Variants in CFAP52 observed in about 807,000 individuals in gnomAD.
CFAP52 encodes the protein cilia- and flagella-associated protein 52.
A neutral mutation model predicts 70.5 loss-of-function variants in CFAP52; 57 were observed. The ratio of observed to expected loss-of-function variants is 0.81; its 90% CI spans 0.65 to 1.01. CFAP52 has a LOEUF of 1.01. CFAP52 is among the 50% of genes least tolerant of loss of function. CFAP52 has a pLI of 0.00. For missense variants in CFAP52, 785 were observed against 788.5 expected, an observed-to-expected ratio of 1.00 and a Z score of 0.05; for synonymous variants, 267 against 292.5, an observed-to-expected ratio of 0.91 and a Z score of 0.89.
At chr17:9,603,500 C>T (rs11653477) in intron 6 of CFAP52, among the ~76,000 whole-genome samples, 1,627 of 152,324 alleles carry the variant, frequency 0.011, 7 homozygotes, top group Non-Finnish European at 0.016. Flanking sequence ...TGAGCCACCA[C>T]ACCCGGCCCT....
At chr17:9,640,314 G>C (rs778264244) in intron 12 of CFAP52, among the ~76,000 whole-genome samples, 3 of 151,336 alleles carry the variant, frequency 2.0e-5, no homozygotes, top group Non-Finnish European at 4.4e-5. Flanking sequence ...TGCCGTGGTG[G>C]TTTGCTGTAC....
chr17:9,593,310 C>T (rs1308260520), intron 3 of CFAP52, among the ~76,000 whole-genome samples: 2 of 152,170 alleles, frequency 1.3e-5, no homozygotes, highest in African/African-American at 4.8e-5. Flanking sequence ...CTGCAATTCT[C>T]ACAATGTGGT....
chr17:9,631,106 G>A (rs567710906), intron 9 of CFAP52, among the ~76,000 whole-genome samples: 6 of 146,580 alleles, frequency 4.1e-5, no homozygotes, highest in African/African-American at 1.1e-4. Flanking sequence ...GAGAAAGAAA[G>A]AACATAAGTC....
chr17:9,593,226 T>G (rs1567622862), intron 3 of CFAP52, among the ~76,000 whole-genome samples: 1 of 152,112 alleles, frequency 6.6e-6, no homozygotes, highest in Admixed American at 6.6e-5. Flanking sequence ...TTTTTTGTAT[T>G]ATGATCCACA....
At chr17:9,630,159 C>T (rs1158872877) in intron 9 of CFAP52, among the ~76,000 whole-genome samples, 2 of 151,854 alleles carry the variant, frequency 1.3e-5, no homozygotes, top group African/African-American at 4.8e-5. Flanking sequence ...CCACCAGCAT[C>T]TCTCCCCTAG....
Position 9,599,202 on chromosome 17 carries a change from T to C in CFAP52, c.637-865T>C, listed in dbSNP as rs552413253. ...CATCTCTAATCTGAAAATTCAAAAT[T>C]TGAGATGTGCTAATGAGCATTTCCT... On this transcript the variant is annotated intron_variant, in intron 5 of 13. Coordinates refer to ENST00000352665, the MANE Select transcript of CFAP52 (RefSeq NM_145054.5). Among the ~76,000 whole-genome samples the C allele has an allele frequency of 1.2e-4, 18 of 152,328 alleles. No individual in the cohort carries two copies. In the South Asian group the frequency reaches 3.7e-3, roughly 32 times the overall value.
intron 8 of CFAP52, 65 bp from the exon 9 acceptor site, chr17:9,628,607 G>A: frequency 2.5e-6 from 4 of 1,572,972 alleles, no homozygotes; most frequent in African/African-American, 1.3e-5. Flanking sequence ...ACACATTTTG[G>A]TGTCAAATAT....
intron 8 of CFAP52, among the ~76,000 whole-genome samples, chr17:9,613,501 T>G (rs1026997792): frequency 3.4e-5 from 5 of 147,576 alleles, no homozygotes; most frequent in Middle Eastern, 3.4e-3. Context: ...TTTTGGGGGG[T>G]TTTTGTTTGT....
intron 12 of CFAP52, 26 bp downstream of exon 12, chr17:9,638,737 A>T (rs367781619): frequency 2.5e-6 from 4 of 1,608,718 alleles, no homozygotes; most frequent in Admixed American, 3.3e-5. Context: ...GAGAGATGAG[A>T]TCTTTCCAGC....
chr17:9,630,126 C>T (rs1910409512), intron 9 of CFAP52, among the ~76,000 whole-genome samples: 1 of 151,872 alleles, frequency 6.6e-6, no homozygotes, highest in South Asian at 2.1e-4. Flanking sequence ...CCTCACCCCT[C>T]ATTATCTTCC....
intron 10 of CFAP52, among the ~76,000 whole-genome samples, chr17:9,634,450 G>C (rs1264422803): frequency 2.0e-5 from 3 of 152,168 alleles, no homozygotes; most frequent in African/African-American, 7.2e-5. Context: ...TTTGAGACCA[G>C]CCTGGCCAAC....
chr17:9,593,215 T>A (rs1394853353), intron 3 of CFAP52, among the ~76,000 whole-genome samples: 1 of 152,066 alleles, frequency 6.6e-6, no homozygotes, highest in Non-Finnish European at 1.5e-5. Flanking sequence ...CTCCCCAGCA[T>A]TTTTTTGTAT....
At chr17:9,584,184 C>A (rs1485658973) in intron 1 of CFAP52, 1 of 1,213,938 alleles carries the variant, frequency 8.2e-7, no homozygotes, top group Non-Finnish European at 1.0e-6. Context: ...TGCTGAAGGT[C>A]CTGTTCTCCT....
At chr17:9,602,392 GT>G (rs35645984) in intron 6 of CFAP52, among the ~76,000 whole-genome samples, 99,280 of 151,870 alleles carry the variant, frequency 0.65, 33,806 homozygotes, top group Admixed American at 0.75. Flanking sequence ...TTCTGTTCCT[GT>G]TTTAGTTTGC....
Position 9,586,729 on chromosome 17 carries a change from G to C in CFAP52, c.302G>C (p.Arg101Thr). ...ADIILWDYKNRELLARLSLHK... is the reference protein window; with the variant it reads ...ADIILWDYKNTELLARLSLHK... ...ATCATTTTGTGGGATTATAAGAACA[G>C]AGAGCTGCTTGCTCGGCTGTCCCTT... is the stretch of plus-strand genomic sequence containing the variant. The change falls in exon 3 of 14, where the codon AGA (arginine) becomes ACA (threonine). Residue 101 changes from arginine to threonine, a missense_variant. Physicochemically the swap from Arg to Thr is moderately conservative, Grantham distance 71. Transcript: ENST00000352665. 1 of 1,613,502 alleles carries C rather than the reference G, an allele frequency of 6.2e-7. No homozygotes were observed.
At chr17:9,624,789 T>C (rs1910177972) in intron 8 of CFAP52, among the ~76,000 whole-genome samples, 1 of 152,146 alleles carries the variant, frequency 6.6e-6, no homozygotes, top group South Asian at 2.1e-4. Flanking sequence ...CTATAGCAAC[T>C]CTGTTCTCTG....
At chr17:9,612,077 C>T (rs1274756364) in intron 7 of CFAP52, among the ~76,000 whole-genome samples, 1 of 152,204 alleles carries the variant, frequency 6.6e-6, no homozygotes, top group African/African-American at 2.4e-5. Flanking sequence ...CATGTCAAAA[C>T]GTTATCTCAC....
chr17:9,633,500 T>C (rs1030274653), intron 10 of CFAP52, among the ~76,000 whole-genome samples: 1 of 152,064 alleles, frequency 6.6e-6, no homozygotes, highest in Non-Finnish European at 1.5e-5. Context: ...CAACCATGCC[T>C]GGCCTATAAA....
At position 9,612,431 on chromosome 17, in the gene CFAP52, T is replaced by A; in HGVS notation, c.977T>A (p.Leu326His). ...AGCTTCACGGATTTCAAAGAGACGC[T>A]CATAGCGACTTGTCACTTTGATGCT... ...RVSFTDFKET[L>H]IATCHFDAVE... Residue 326 changes from leucine to histidine, a missense_variant, in exon 8 of 14, where the codon CTC becomes CAC. By Grantham distance (99) the Leu-to-His change is moderately conservative. Transcript: ENST00000352665. 1 of 1,614,212 alleles carries A rather than the reference T, an allele frequency of 6.2e-7. No homozygotes were observed. The highest frequency in any genetic ancestry group is 2.2e-5 in the East Asian group (1 of 44,884).
Sources: allele counts gnomAD v4.1 joint callset (sites outside exome capture counted in the v4.1 genomes callset), GRCh38; gene constraint gnomAD v4.1.1; transcripts MANE v1.5; gene names NCBI Gene and HGNC (gene_info 2026-07-23, HGNC 2026-07-21).